FRMD4B: variants seen among roughly 807,000 people sequenced by gnomAD.
FRMD4B encodes the protein FERM domain containing 4B.
Under a neutral mutation model 141.5 loss-of-function variants are expected in FRMD4B, and 74 were observed. That is an observed-to-expected ratio of 0.52 (90% CI 0.43 to 0.63). The LOEUF (loss-of-function observed/expected upper bound fraction) is 0.63. FRMD4B is among the 30% of genes least tolerant of loss of function. The pLI, the probability that FRMD4B is intolerant of heterozygous loss-of-function variation, is 0.00. For missense variants in FRMD4B, 1,366 were observed against 1,253.4 expected (o/e 1.09, Z -1.36); for synonymous variants, 506 against 467.9 (o/e 1.08, Z -1.05).
At chr3:69,504,593 T>C (rs984804817) in intron 1 of FRMD4B, among the ~76,000 whole-genome samples, 6 of 152,218 alleles carry the variant, frequency 3.9e-5, no homozygotes, top group Non-Finnish European at 8.8e-5. Flanking sequence ...GTCTGGCCTC[T>C]TTCAGTTAAT....
chr3:69,228,775 A>G (rs931036401), intron 7 of FRMD4B, among the ~76,000 whole-genome samples: 1 of 151,680 alleles, frequency 6.6e-6, no homozygotes, highest in Non-Finnish European at 1.5e-5. Context: ...TCAAGGCTCT[A>G]GTGAGTTATG....
At chr3:69,275,277 GA>G (rs916567035) in intron 5 of FRMD4B, among the ~76,000 whole-genome samples, 1 of 151,440 alleles carries the variant, frequency 6.6e-6, no homozygotes, top group Non-Finnish European at 1.5e-5. Context: ...TTAACAACAG[GA>G]AAAAAAACGT....
At chr3:69,454,235 T>C (rs1462995220) in intron 1 of FRMD4B, among the ~76,000 whole-genome samples, 1 of 152,232 alleles carries the variant, frequency 6.6e-6, no homozygotes, top group Non-Finnish European at 1.5e-5. Context: ...ACTCCCTGAC[T>C]TTACCCAACT....
intron 2 of FRMD4B, among the ~76,000 whole-genome samples, chr3:69,407,904 T>C (rs557865445): frequency 1.3e-5 from 2 of 152,262 alleles, no homozygotes; most frequent in East Asian, 1.9e-4. Context: ...CTAGCTGAGG[T>C]TTTTATTCCT....
chr3:69,526,028 T>C (rs1177832636), intron 1 of FRMD4B, among the ~76,000 whole-genome samples: 2 of 152,154 alleles, frequency 1.3e-5, no homozygotes, highest in African/African-American at 4.8e-5. Flanking sequence ...TCCTTACCAT[T>C]TCAGAGCACA....
chr3:69,467,412 C>G (rs568247556), intron 1 of FRMD4B, among the ~76,000 whole-genome samples: 14 of 152,140 alleles, frequency 9.2e-5, no homozygotes, highest in Non-Finnish European at 1.5e-4. Flanking sequence ...AGTGGCACCT[C>G]ACTGTTTGTG....
intron 7 of FRMD4B, among the ~76,000 whole-genome samples, chr3:69,232,407 G>C (rs1220198425): frequency 6.6e-6 from 1 of 152,108 alleles, no homozygotes; most frequent in Admixed American, 6.6e-5. Context: ...TCCTCCCTTA[G>C]GCATTCCAGA....
chr3:69,467,038 C>T (rs934569102), intron 1 of FRMD4B, among the ~76,000 whole-genome samples: 20 of 152,042 alleles, frequency 1.3e-4, no homozygotes, highest in African/African-American at 4.8e-4. Context: ...AATTAGAATC[C>T]CCGCCTTCTA....
Position 69,241,372 on chromosome 3 carries a change from A to G in FRMD4B, c.581+7854T>C, listed in dbSNP as rs1238395115. ...CCCTTCTGGGAGATTCATAGCGCTC[A>G]TGAGCAGATTGAAAACTTAGCCAAG... On this transcript the variant is annotated intron_variant, in intron 7 of 22. Coordinates refer to ENST00000398540, the MANE Select transcript of FRMD4B (RefSeq NM_015123.3). Among the ~76,000 whole-genome samples, 3 of 152,250 alleles carry G rather than the reference A, an allele frequency of 2.0e-5. No individual in the cohort carries two copies. In the East Asian group the frequency reaches 5.8e-4, roughly 29 times the overall value.
chr3:69,384,360 C>T (rs1463320336), intron 1 of FRMD4B, among the ~76,000 whole-genome samples: 1 of 152,114 alleles, frequency 6.6e-6, no homozygotes, highest in Non-Finnish European at 1.5e-5. Flanking sequence ...GGCACAGAGT[C>T]ACTCTGGTTG....
Position 69,181,609 on chromosome 3 carries a change from A to G in FRMD4B, c.2141T>C (p.Leu714Pro), listed in dbSNP as rs757965783. 36 of 1,613,526 alleles carry G rather than the reference A, an allele frequency of 2.2e-5. No homozygotes were observed. The highest frequency in any genetic ancestry group is 2.9e-5 in the Non-Finnish European group (34 of 1,179,706). The change falls in exon 21 of 23, where the codon CTC becomes CCC. Residue 714 changes from leucine to proline, a missense_variant. Physicochemically the swap from Leu to Pro is moderately conservative, Grantham distance 98. Transcript: ENST00000398540. ...GCTGCTGCTTCTTTGGGATTTGGAG[A>G]GGGAGAAAAATGGCTTATCGCTGTC... ...EMDSDKPFFS[L>P]SKSQRSSSTE...
rs149911069 is a variant in FRMD4B at position 69,499,691 on chromosome 3, CAGAGAG to C, written c.-129+42509_-129+42514del. Among the ~76,000 whole-genome samples, 4 of 149,558 alleles carry C rather than the reference CAGAGAG, an allele frequency of 2.7e-5. No individual in the cohort carries two copies. The East Asian group carries it at 7.8e-4, about 29-fold the overall frequency. On this transcript the variant is annotated intron_variant, in intron 1 of 5. Coordinates refer to the FRMD4B transcript ENST00000459638. Reference sequence around the variant, plus strand: ...ATTCTATCTGCAGAGAGCAGGAAGACAGAGAGAGAGAGAGAGAGAGAGATGGATTCT... The same window carrying C: ...ATTCTATCTGCAGAGAGCAGGAAGACAGAGAGAGAGAGAGAGATGGATTCT...
chr3:69,418,814 T>C (rs554838881), intron 2 of FRMD4B, among the ~76,000 whole-genome samples: 13 of 144,986 alleles, frequency 9.0e-5, no homozygotes, highest in Non-Finnish European at 1.5e-4. Context: ...TCCTGGCCCA[T>C]AGCAACTATG....
chr3:69,457,458 T>C (rs1361998041), intron 1 of FRMD4B, among the ~76,000 whole-genome samples: 1 of 152,186 alleles, frequency 6.6e-6, no homozygotes, highest in Non-Finnish European at 1.5e-5. Context: ...TTAGTCTACA[T>C]AAAAAGCAAC....
At chr3:69,254,429 GAAA>G (rs2093480607) in intron 5 of FRMD4B, among the ~76,000 whole-genome samples, 1 of 152,142 alleles carries the variant, frequency 6.6e-6, no homozygotes, top group Non-Finnish European at 1.5e-5. Flanking sequence ...ACTTTTGAGT[GAAA>G]GTTTGATGAG....
intron 1 of FRMD4B, among the ~76,000 whole-genome samples, chr3:69,343,577 GTT>G (rs66705405): frequency 1.9e-4 from 24 of 126,494 alleles, no homozygotes; most frequent in Middle Eastern, 4.1e-3. Context: ...ACAGTTTTTT[GTT>G]TTTTTTTTTT....
At chr3:69,515,995 G>A (rs1011267181) in intron 1 of FRMD4B, among the ~76,000 whole-genome samples, 5 of 152,086 alleles carry the variant, frequency 3.3e-5, no homozygotes, top group East Asian at 1.9e-4. Context: ...TGAGGGTGAC[G>A]CAGGAGGAAC....
Position 69,171,948 on chromosome 3 carries a change from T to C in FRMD4B, c.3018A>G (p.Thr1006=), listed in dbSNP as rs748602845. 1 of 1,612,822 alleles carries C rather than the reference T, an allele frequency of 6.2e-7. No homozygotes were observed. Among genetic ancestry groups the C allele is most frequent in the Middle Eastern group, 1.6e-4 (1 of 6,062 alleles). ...QYTEISQLDG[T]DGNQLEDNLE... is the part of the protein sequence containing the mutation. ...GGTTGTCTTCCAGCTGGTTTCCATC[T>C]GTACCATCCAGTTGACTGATTTCTG... The change falls in exon 23 of 23, where the codon ACA becomes ACG. Residue 1006 remains threonine (T), a synonymous_variant. Coordinates refer to ENST00000398540, the MANE Select transcript of FRMD4B (RefSeq NM_015123.3).
intron 5 of FRMD4B, among the ~76,000 whole-genome samples, chr3:69,274,317 T>C (rs2093608259): frequency 6.6e-6 from 1 of 152,096 alleles, no homozygotes; most frequent in Non-Finnish European, 1.5e-5. Context: ...TTAAAGTTGA[T>C]GAAACAAAGG....
Sources: gnomAD v4.1 joint callset for allele counts (sites outside exome capture counted in the v4.1 genomes callset) on GRCh38, gnomAD v4.1.1 for gene constraint, MANE v1.5 for transcripts, NCBI Gene and HGNC (gene_info 2026-07-23, HGNC 2026-07-21) for gene names.